Variants in SGMS1 observed in about 807,000 individuals in gnomAD.
The protein encoded by SGMS1 is phosphatidylcholine:ceramide cholinephosphotransferase 1.
In SGMS1, 13 loss-of-function variants were observed where a neutral mutation model predicts 46.2. That is an observed-to-expected ratio of 0.28 (90% CI 0.18 to 0.45). The LOEUF is 0.45. Among genes scored for constraint, SGMS1 ranks in the 20% least tolerant of loss-of-function variants. The pLI, the probability that SGMS1 is intolerant of heterozygous loss-of-function variation, is 1.00. For synonymous variants in SGMS1, 203 were observed against 187.8 expected (o/e 1.08, Z -0.66); for missense variants, 324 against 519.9 (o/e 0.62, Z 3.66).
chr10:50,432,829 A>G (rs2133618267), intron 6 of SGMS1, among the ~76,000 whole-genome samples: 1 of 152,338 alleles, frequency 6.6e-6, no homozygotes, highest in South Asian at 2.1e-4. Flanking sequence ...ACTAAAAAGC[A>G]CAAGAGCAAG....
chr10:50,354,866 G>T (rs1421059829), intron 6 of SGMS1, among the ~76,000 whole-genome samples: 1 of 152,176 alleles, frequency 6.6e-6, no homozygotes, highest in Non-Finnish European at 1.5e-5. Flanking sequence ...GACCATCAGA[G>T]AAATGCAAAT....
At chr10:50,624,237 T>G (rs995797675), upstream of SGMS1, 8 of 529,660 alleles carry the variant, frequency 1.5e-5, no homozygotes, top group Middle Eastern at 1.9e-3. Context: ...TTTTACAATC[T>G]GGGACGGTAA....
intron 1 of SGMS1, among the ~76,000 whole-genome samples, chr10:50,617,096 AGAT>A (rs1366800069): frequency 6.6e-6 from 1 of 152,186 alleles, no homozygotes; most frequent in Non-Finnish European, 1.5e-5. Context: ...AAAAACAGAC[AGAT>A]GATTGGTATC....
intron 8 of SGMS1, among the ~76,000 whole-genome samples, chr10:50,324,800 T>TA (rs1847503468): frequency 6.6e-6 from 1 of 152,202 alleles, no homozygotes; most frequent in Admixed American, 6.5e-5. Flanking sequence ...AACAAATGGA[T>TA]AAATCCAGAA....
intron 3 of SGMS1, among the ~76,000 whole-genome samples, chr10:50,478,385 T>C (rs540600412): frequency 7.5e-4 from 114 of 152,342 alleles, no homozygotes; most frequent in African/African-American, 2.6e-3. Flanking sequence ...GTAACACATG[T>C]ATTTGTAAGC....
chr10:50,440,228 C>T (rs1849524720), intron 5 of SGMS1, among the ~76,000 whole-genome samples: 1 of 151,572 alleles, frequency 6.6e-6, no homozygotes, highest in African/African-American at 2.4e-5. Flanking sequence ...AGGTCACATC[C>T]CTCCAGAACT....
intron 6 of SGMS1, among the ~76,000 whole-genome samples, chr10:50,377,390 A>G (rs1270749878): frequency 6.6e-6 from 1 of 152,186 alleles, no homozygotes; most frequent in South Asian, 2.1e-4. Context: ...TCATAACTCA[A>G]TCACTTCTTA....
At chr10:50,598,734 T>C (rs926831588) in intron 1 of SGMS1, among the ~76,000 whole-genome samples, 39 of 152,116 alleles carry the variant, frequency 2.6e-4, no homozygotes, top group Non-Finnish European at 4.0e-4. Context: ...AGTGACTCCA[T>C]GAAATTATGC....
At chr10:50,588,781 GT>G (rs1313535121) in intron 2 of SGMS1, among the ~76,000 whole-genome samples, 1 of 139,938 alleles carries the variant, frequency 7.1e-6, no homozygotes, top group African/African-American at 2.7e-5. Context: ...TTAGACTGGA[GT>G]GCAGAGGCGT....
intron 7 of SGMS1, chr10:50,341,449 G>A (rs1385767533): frequency 2.2e-6 from 1 of 455,976 alleles, no homozygotes; most frequent in East Asian, 6.9e-5. Context: ...CCCGCCAGAG[G>A]TGAAAATCAG....
chr10:50,449,650 T>C lies in SGMS1; in HGVS notation c.-313+11023A>G, dbSNP rs549150848. Among the ~76,000 whole-genome samples the C allele has an allele frequency of 3.3e-3, 496 of 152,126 alleles. 6 individuals are homozygous for C. Among genetic ancestry groups the C allele is most frequent in the African/African-American group, 0.011 (443 of 41,496 alleles). Reference sequence around the variant, plus strand: ...CAAATAGTGTGTGCACGTGTGTGTGTGTGTGTGTGTGTGTACACACATGCC... The same window carrying C: ...CAAATAGTGTGTGCACGTGTGTGTGCGTGTGTGTGTGTGTACACACATGCC... On this transcript the variant is annotated intron_variant, in intron 5 of 10. Transcript: ENST00000361781.
At chr10:50,396,252 C>G (rs924540977) in intron 6 of SGMS1, among the ~76,000 whole-genome samples, 1 of 152,132 alleles carries the variant, frequency 6.6e-6, no homozygotes, top group Admixed American at 6.5e-5. Flanking sequence ...TAAAGACTAC[C>G]TCTTCTCCTC....
intron 7 of SGMS1, chr10:50,341,313 C>T (rs1328675892): frequency 2.2e-6 from 1 of 455,728 alleles, no homozygotes; most frequent in Admixed American, 2.4e-5. Context: ...TCTGGTGGGC[C>T]AGATACACTG....
chr10:50,599,146 G>C (rs909508251), intron 1 of SGMS1, among the ~76,000 whole-genome samples: 3 of 152,174 alleles, frequency 2.0e-5, no homozygotes, highest in African/African-American at 7.2e-5. Context: ...CAGACAAAAA[G>C]AATGAGGACT....
chr10:50,533,003 C>A (rs558073245), intron 2 of SGMS1, among the ~76,000 whole-genome samples: 1 of 152,118 alleles, frequency 6.6e-6, no homozygotes, highest in South Asian at 2.1e-4. Context: ...GGGGCATACA[C>A]AACAAACTCA....
At chr10:50,361,219 C>A (rs993345008) in intron 6 of SGMS1, among the ~76,000 whole-genome samples, 1 of 152,090 alleles carries the variant, frequency 6.6e-6, no homozygotes, top group Admixed American at 6.6e-5. Flanking sequence ...CAAGAGCTGG[C>A]GATGGGGGTA....
intron 6 of SGMS1, among the ~76,000 whole-genome samples, chr10:50,355,552 G>A (rs1848128846): frequency 6.6e-6 from 1 of 152,244 alleles, no homozygotes; most frequent in South Asian, 2.1e-4. Context: ...CGGGATTGCA[G>A]ACGGAGTCTC....
At chr10:50,421,184 G>A (rs1849250127) in intron 6 of SGMS1, among the ~76,000 whole-genome samples, 1 of 152,096 alleles carries the variant, frequency 6.6e-6, no homozygotes, top group Non-Finnish European at 1.5e-5. Flanking sequence ...CGGGTCCAGT[G>A]CCATGACATT....
chr10:50,513,897 G>A (rs963650028), intron 3 of SGMS1, among the ~76,000 whole-genome samples: 2 of 152,088 alleles, frequency 1.3e-5, no homozygotes, highest in South Asian at 4.1e-4. Context: ...AAATGACCCC[G>A]AAGAAAACGT....
Sources: allele counts gnomAD v4.1 joint callset (sites outside exome capture counted in the v4.1 genomes callset), GRCh38; gene constraint gnomAD v4.1.1; transcripts MANE v1.5; gene names NCBI Gene and HGNC (gene_info 2026-07-23, HGNC 2026-07-21).